PLCE1: variants seen among roughly 807,000 people sequenced by gnomAD.
The protein encoded by PLCE1 is 1-phosphatidylinositol 4,5-bisphosphate phosphodiesterase epsilon-1.
A neutral mutation model predicts 242.8 loss-of-function variants in PLCE1; 119 were observed. The observed-to-expected ratio is 0.49, with a 90% CI of 0.42 to 0.57. PLCE1 has a LOEUF of 0.57. Among genes scored for constraint, PLCE1 ranks in the 20% least tolerant of loss-of-function variants. The pLI, the probability that PLCE1 is intolerant of heterozygous loss-of-function variation, is 0.00. For synonymous variants in PLCE1, 945 were observed against 1,017.4 expected, an observed-to-expected ratio of 0.93 and a Z score of 1.35; for missense variants, 2,441 against 2,788.8, an observed-to-expected ratio of 0.88 and a Z score of 2.81.
intron 23 of PLCE1, among the ~76,000 whole-genome samples, chr10:94,294,229 C>A (rs2052733570): frequency 6.6e-6 from 1 of 152,190 alleles, no homozygotes; most frequent in Non-Finnish European, 1.5e-5. Context: ...CTAGTGGTTT[C>A]TTGGAGCTGT....
At chr10:94,035,885 A>T (rs10882388) in intron 2 of PLCE1, among the ~76,000 whole-genome samples, 62,734 of 152,024 alleles carry the variant, frequency 0.41, 16,414 homozygotes, top group African/African-American at 0.75. Context: ...GTGTTTTGGT[A>T]ATTACATATG....
At chr10:94,173,190 TCAGGCC>T (rs1285569604) in intron 4 of PLCE1, among the ~76,000 whole-genome samples, 1 of 152,172 alleles carries the variant, frequency 6.6e-6, no homozygotes, top group Non-Finnish European at 1.5e-5. Flanking sequence ...GCCCACAAAG[TCAGGCC>T]CTGGGCTTTG....
At chr10:94,266,060 A>G (rs2051503740) in intron 16 of PLCE1, 102 bp downstream of exon 16, 1 of 1,065,714 alleles carries the variant, frequency 9.4e-7, no homozygotes, top group South Asian at 1.3e-5. Context: ...TGAAGAGCTT[A>G]TAGAGTAAGC....
chr10:94,332,790 A>G lies in PLCE1; in HGVS notation c.*4847A>G, dbSNP rs1027565011. On this transcript the variant is annotated 3_prime_UTR_variant, in exon 33 of 33. Coordinates refer to ENST00000371380, the MANE Select transcript of PLCE1 (RefSeq NM_016341.4). ...CAAAGTAAAGTATAAATGTATTTGTATATGTGTGGAAAATAAATAATTTGT... is the reference window on the plus strand; with the variant it reads ...CAAAGTAAAGTATAAATGTATTTGTGTATGTGTGGAAAATAAATAATTTGT... 6.6e-6 allele frequency: 1 copy of G among 152,210 alleles called. No homozygotes were observed. Among genetic ancestry groups the G allele is most frequent in the Non-Finnish European group, 1.5e-5 (1 of 68,032 alleles). The allele number at this position is 152,210 out of a possible 1,614,324, so 9.4% of individuals were successfully genotyped here.
At chr10:94,263,857 G>A (rs748660226) in intron 14 of PLCE1, among the ~76,000 whole-genome samples, 1 of 151,786 alleles carries the variant, frequency 6.6e-6, no homozygotes, top group African/African-American at 2.4e-5. Context: ...ATTAATGTAG[G>A]TCCCAGGCTT....
intron 2 of PLCE1, among the ~76,000 whole-genome samples, chr10:94,111,593 G>T (rs2135643518): frequency 6.6e-6 from 1 of 152,270 alleles, no homozygotes. Flanking sequence ...CCCCTGCAAG[G>T]CACTGCCCAC....
chr10:94,003,573 A>G (rs895957579), intron 1 of PLCE1, among the ~76,000 whole-genome samples: 10 of 137,304 alleles, frequency 7.3e-5, no homozygotes, highest in Non-Finnish European at 1.2e-4. Context: ...GCTGTACTTT[A>G]GCCATGGTCA....
chr10:94,315,816 G>A (rs966154063), intron 28 of PLCE1, among the ~76,000 whole-genome samples: 2 of 149,026 alleles, frequency 1.3e-5, no homozygotes, highest in African/African-American at 4.9e-5. Context: ...CATCTTTATT[G>A]AGTTCACCTA....
rs1317468373 is a variant in PLCE1 at position 93,994,202 on chromosome 10, G to T, written c.-421G>T. On this transcript the variant is annotated 5_prime_UTR_variant, in exon 1 of 33. Transcript: ENST00000371380. The stretch of plus-strand genomic sequence containing the variant: ...GCTAGCGACAGGCGCGCGGACGGCT[G>T]GTCCCAGAGGGACGCTGCGCTTGGG... 3.3e-5 allele frequency among the ~76,000 whole-genome samples: 5 copies of T among 152,204 alleles called. No individual in the cohort carries two copies. Among genetic ancestry groups the T allele is most frequent in the Non-Finnish European group, 7.4e-5 (5 of 68,026 alleles).
chr10:94,138,568 T>TGGG (rs1457934238), intron 3 of PLCE1: 1 of 465,108 alleles, frequency 2.2e-6, no homozygotes, highest in Non-Finnish European at 4.3e-6. Flanking sequence ...GGGGATCAGT[T>TGGG]AGGTTGCTTC....
chr10:94,162,468 T>C (rs892473851), intron 3 of PLCE1, among the ~76,000 whole-genome samples: 4 of 152,236 alleles, frequency 2.6e-5, no homozygotes, highest in Non-Finnish European at 4.4e-5. Flanking sequence ...TATTCTCTGA[T>C]GGTAGTTTGT....
At chr10:94,000,031 G>A (rs774164172) in intron 1 of PLCE1, among the ~76,000 whole-genome samples, 6 of 152,222 alleles carry the variant, frequency 3.9e-5, no homozygotes, top group Non-Finnish European at 8.8e-5. Context: ...CTATGTTCCA[G>A]GAGTGTTTGG....
At chr10:94,168,360 C>A (rs533364299) in intron 3 of PLCE1, among the ~76,000 whole-genome samples, 1 of 152,300 alleles carries the variant, frequency 6.6e-6, no homozygotes, top group South Asian at 2.1e-4. Context: ...CCCAAGAAGA[C>A]TTCTGGGATG....
chr10:94,205,111 G>C (rs934121274), intron 4 of PLCE1, among the ~76,000 whole-genome samples: 2 of 152,184 alleles, frequency 1.3e-5, no homozygotes, highest in African/African-American at 2.4e-5. Context: ...CTTTTGACAA[G>C]TATGACATGC....
At chr10:94,012,216 C>T (rs1052503515) in intron 1 of PLCE1, among the ~76,000 whole-genome samples, 5 of 151,996 alleles carry the variant, frequency 3.3e-5, no homozygotes, top group Admixed American at 6.5e-5. Flanking sequence ...CCAAGTCTCA[C>T]CCCTCCGGTC....
At chr10:94,007,628 TCTTG>T in intron 1 of PLCE1, among the ~76,000 whole-genome samples, 1 of 148,020 alleles carries the variant, frequency 6.8e-6, no homozygotes, top group Non-Finnish European at 1.5e-5. Flanking sequence ...GTGAATACAT[TCTTG>T]TTTCTAAATA....
chr10:93,998,679 T>TC (rs1230244188), intron 1 of PLCE1, among the ~76,000 whole-genome samples: 1 of 152,108 alleles, frequency 6.6e-6, no homozygotes, highest in Non-Finnish European at 1.5e-5. Context: ...TACTGTTTCT[T>TC]CCCCCAGGGC....
chr10:93,997,632 C>CTTTTTTT (rs34338995), intron 1 of PLCE1, among the ~76,000 whole-genome samples: 29 of 79,872 alleles, frequency 3.6e-4, no homozygotes, highest in African/African-American at 4.5e-4. Flanking sequence ...AATAACCATC[C>CTTTTTTT]TTTTTTTTTT....
At chr10:94,170,377 C>G (rs1186934898) in intron 3 of PLCE1, among the ~76,000 whole-genome samples, 1 of 152,156 alleles carries the variant, frequency 6.6e-6, no homozygotes, top group East Asian at 1.9e-4. Context: ...CAGCCTGGGA[C>G]AGTGTCAAAA....
Sources: gnomAD v4.1 joint callset for allele counts (sites outside exome capture counted in the v4.1 genomes callset) on GRCh38, gnomAD v4.1.1 for gene constraint, MANE v1.5 for transcripts, NCBI Gene and HGNC (gene_info 2026-07-23, HGNC 2026-07-21) for gene names.